The following ZFHX3 variants were observed in gnomAD, a reference collection of about 807,000 sequenced individuals.
The protein encoded by ZFHX3 is zinc finger homeobox 3, also known as zinc finger homeobox protein 3.
In ZFHX3, 42 loss-of-function variants were observed where a neutral mutation model predicts 279.1. That is an observed-to-expected ratio of 0.15 (90% CI 0.12 to 0.19). The LOEUF (loss-of-function observed/expected upper bound fraction) is 0.19, where lower values mean the gene tolerates loss of function less well. Among genes scored for constraint, ZFHX3 ranks in the 10% least tolerant of loss-of-function variants. The pLI is 1.00. For synonymous variants in ZFHX3, 2,293 were observed against 1,957.8 expected, an observed-to-expected ratio of 1.17 and a Z score of -4.52; for missense variants, 4,981 against 4,754.0, an observed-to-expected ratio of 1.05 and a Z score of -1.40.
chr16:73,170,168 G>T (rs1193977444), intron 5 of ZFHX3, among the ~76,000 whole-genome samples: 1 of 131,408 alleles, frequency 7.6e-6, no homozygotes, highest in African/African-American at 2.9e-5. Flanking sequence ...TCCATAAATT[G>T]TTCATTTACT....
At chr16:73,190,556 G>A (rs1354290690) in intron 5 of ZFHX3, among the ~76,000 whole-genome samples, 1 of 152,196 alleles carries the variant, frequency 6.6e-6, no homozygotes, top group Non-Finnish European at 1.5e-5. Flanking sequence ...ACACTGGCCT[G>A]CAGACACACT....
At position 73,404,398 on chromosome 16, in the gene ZFHX3, G is replaced by A. The variant is rs1022092041; in HGVS notation, c.-1291+51605C>T. On this transcript the variant is annotated intron_variant, in intron 3 of 17. Transcript: ENST00000641206. ...GTGCTTTTTCTACTTCCTAAAACAGGGATGCACTCTATCTGCGCAGAGGAA... is the reference window on the plus strand; with the variant it reads ...GTGCTTTTTCTACTTCCTAAAACAGAGATGCACTCTATCTGCGCAGAGGAA... Among the ~76,000 whole-genome samples, 6 of 152,136 alleles carry A rather than the reference G, an allele frequency of 3.9e-5. No individual in the cohort carries two copies. In the East Asian group the frequency reaches 9.6e-4, roughly 24 times the overall value.
chr16:72,956,951 C>G (rs1961279095), intron 2 of ZFHX3, among the ~76,000 whole-genome samples: 1 of 152,136 alleles, frequency 6.6e-6, no homozygotes, highest in Non-Finnish European at 1.5e-5. Flanking sequence ...GAATAACGTA[C>G]ACTGTGGTTC....
At chr16:73,756,875 A>T (rs1329467383) in intron 1 of ZFHX3, among the ~76,000 whole-genome samples, 1 of 151,992 alleles carries the variant, frequency 6.6e-6, no homozygotes, top group Non-Finnish European at 1.5e-5. Context: ...TATGTTATTT[A>T]TGACGCAAGG....
At chr16:73,666,550 A>G (rs1254149522) in intron 2 of ZFHX3, among the ~76,000 whole-genome samples, 1 of 151,988 alleles carries the variant, frequency 6.6e-6, no homozygotes, top group Non-Finnish European at 1.5e-5. Context: ...ACTACAGGAA[A>G]TGTGAGGACA....
intron 3 of ZFHX3, among the ~76,000 whole-genome samples, chr16:72,913,548 C>T (rs956718958): frequency 2.6e-5 from 4 of 152,250 alleles, no homozygotes; most frequent in South Asian, 2.1e-4. Flanking sequence ...TCAACATGAC[C>T]CATCACTGGT....
intron 1 of ZFHX3, among the ~76,000 whole-genome samples, chr16:73,022,853 C>A (rs927770524): frequency 5.3e-5 from 8 of 151,988 alleles, no homozygotes; most frequent in Non-Finnish European, 1.2e-4. Context: ...CCTGAAGACC[C>A]AAAATGGCCA....
intron 2 of ZFHX3, among the ~76,000 whole-genome samples, chr16:73,542,109 G>A (rs545096621): frequency 6.6e-6 from 1 of 152,130 alleles, no homozygotes; most frequent in Admixed American, 6.5e-5. Flanking sequence ...CCTGTTTGGT[G>A]GTTCTTTTAG....
At chr16:73,313,365 T>A (rs139842702) in intron 4 of ZFHX3, among the ~76,000 whole-genome samples, 40 of 152,318 alleles carry the variant, frequency 2.6e-4, no homozygotes, top group African/African-American at 9.4e-4. Context: ...TCTGTAGTAA[T>A]GCTAAAAGAG....
At chr16:73,389,245 C>G (rs532348842) in intron 3 of ZFHX3, 1 of 152,156 alleles carries the variant, frequency 6.6e-6, no homozygotes, top group Non-Finnish European at 1.5e-5. Context: ...TAAAGTTTTG[C>G]TGGAACACAG....
At position 73,549,104 on chromosome 16, in the gene ZFHX3, T is replaced by G. The variant is rs138377621; in HGVS notation, c.-1546-92846A>C. On this transcript the variant is annotated intron_variant, in intron 2 of 17. Transcript: ENST00000641206. ...ATTAAATTTTCTTTTGATACGCTTTTAAAAATATTCAGATACACAGTTTTG... is the reference window on the plus strand; with the variant it reads ...ATTAAATTTTCTTTTGATACGCTTTGAAAAATATTCAGATACACAGTTTTG... Among the ~76,000 whole-genome samples, 3 of 152,302 alleles carry G rather than the reference T, an allele frequency of 2.0e-5. No individual in the cohort carries two copies. In the East Asian group the frequency reaches 5.8e-4, roughly 29 times the overall value.
chr16:73,237,991 A>T (rs1243030931), intron 5 of ZFHX3, among the ~76,000 whole-genome samples: 2 of 152,066 alleles, frequency 1.3e-5, no homozygotes, highest in African/African-American at 2.4e-5. Flanking sequence ...CTTTCCCATT[A>T]AAACTGCTCT....
At chr16:73,385,848 G>A (rs963299310) in intron 3 of ZFHX3, among the ~76,000 whole-genome samples, 1 of 152,198 alleles carries the variant, frequency 6.6e-6, no homozygotes, top group Non-Finnish European at 1.5e-5. Flanking sequence ...TGTTCCCACG[G>A]AAGGTGATGT....
chr16:73,359,760 T>C (rs1439817080), intron 3 of ZFHX3, among the ~76,000 whole-genome samples: 1 of 152,198 alleles, frequency 6.6e-6, no homozygotes, highest in African/African-American at 2.4e-5. Context: ...GGCATGAGTG[T>C]TTGCAAGTTG....
At chr16:73,403,549 A>AT (rs4011554) in intron 3 of ZFHX3, among the ~76,000 whole-genome samples, 83,900 of 151,636 alleles carry the variant, frequency 0.55, 23,741 homozygotes, top group African/African-American at 0.68. Flanking sequence ...GCCACATGCA[A>AT]TTTTTTTTTA....
intron 2 of ZFHX3, among the ~76,000 whole-genome samples, chr16:73,605,629 A>G (rs1460511885): frequency 6.6e-6 from 1 of 151,652 alleles, no homozygotes; most frequent in Non-Finnish European, 1.5e-5. Context: ...TTACAAAGTC[A>G]ATAATCTAAC....
intron 1 of ZFHX3, among the ~76,000 whole-genome samples, chr16:73,693,348 G>A (rs926596688): frequency 2.0e-5 from 3 of 152,096 alleles, no homozygotes; most frequent in East Asian, 3.9e-4. Flanking sequence ...TAAACAATGC[G>A]CCTGACCTAT....
At chr16:73,819,258 G>C (rs550912723) in intron 1 of ZFHX3, among the ~76,000 whole-genome samples, 1 of 151,568 alleles carries the variant, frequency 6.6e-6, no homozygotes, top group African/African-American at 2.4e-5. Flanking sequence ...GGGCTGGATA[G>C]TTCTTTGTTG....
chr16:73,570,932 C>T (rs1419182764), intron 2 of ZFHX3, among the ~76,000 whole-genome samples: 3 of 142,050 alleles, frequency 2.1e-5, no homozygotes, highest in Non-Finnish European at 4.6e-5. Context: ...AAATTAGATG[C>T]TGCAACCTTT....
Sources: gnomAD v4.1 joint callset for allele counts (sites outside exome capture counted in the v4.1 genomes callset) on GRCh38, gnomAD v4.1.1 for gene constraint, MANE v1.5 for transcripts, NCBI Gene and HGNC (gene_info 2026-07-23, HGNC 2026-07-21) for gene names.